The following SORBS2 variants were observed in gnomAD, a reference collection of about 807,000 sequenced individuals.
SORBS2 encodes sorbin and SH3 domain-containing protein 2.
Under a neutral mutation model 97.7 loss-of-function variants are expected in SORBS2, and 46 were observed. The ratio of observed to expected loss-of-function variants is 0.47; its 90% CI spans 0.37 to 0.60. The LOEUF is 0.60. SORBS2 is among the 20% of genes least tolerant of loss of function. The pLI is 0.00. For missense variants in SORBS2, 1,316 were observed against 1,282.3 expected (o/e 1.03, Z -0.40); for synonymous variants, 476 against 473.4 (o/e 1.01, Z -0.07).
chr4:185,889,711 A>G (rs764260949), intron 1 of SORBS2, among the ~76,000 whole-genome samples: 2 of 151,630 alleles, frequency 1.3e-5, no homozygotes, highest in Non-Finnish European at 2.9e-5. Flanking sequence ...CCTCCGCCTG[A>G]CAGTTTTACG....
chr4:185,895,505 C>T (rs1190982681), intron 1 of SORBS2, among the ~76,000 whole-genome samples: 1 of 152,238 alleles, frequency 6.6e-6, no homozygotes, highest in Non-Finnish European at 1.5e-5. Context: ...GCAGCAGATG[C>T]AGCGGTCATG....
At chr4:185,615,852 A>G (rs1007149566) in intron 9 of SORBS2, among the ~76,000 whole-genome samples, 1 of 152,176 alleles carries the variant, frequency 6.6e-6, no homozygotes, top group East Asian at 1.9e-4. Context: ...TTAAGACACT[A>G]TATTTTTCAA....
At position 185,798,819 on chromosome 4, in the gene SORBS2, T is replaced by G. The variant is rs951416847; in HGVS notation, c.-337-23453A>C. Among the ~76,000 whole-genome samples the G allele has an allele frequency of 3.9e-5, 6 of 152,248 alleles. No homozygotes were observed. The East Asian group carries it at 1.2e-3, about 29-fold the overall frequency. ...CAGTGTTTCCAGCAAAGATATAAAG[T>G]TCTACATGTCTAAACGTTTTTGCCC... On this transcript the variant is annotated intron_variant, in intron 1 of 20. Transcript: ENST00000284776.
intron 1 of SORBS2, among the ~76,000 whole-genome samples, chr4:185,841,171 G>A (rs1305667970): frequency 6.6e-6 from 1 of 152,172 alleles, no homozygotes; most frequent in East Asian, 1.9e-4. Flanking sequence ...TCCCCTTGTG[G>A]GTGATGACAA....
At chr4:185,904,213 A>G (rs1444824416) in intron 1 of SORBS2, among the ~76,000 whole-genome samples, 6 of 152,204 alleles carry the variant, frequency 3.9e-5, no homozygotes, top group Admixed American at 1.3e-4. Flanking sequence ...GACCTGCCTA[A>G]TGTCTACCAC....
chr4:185,601,810 G>T (rs989009327), intron 12 of SORBS2, among the ~76,000 whole-genome samples: 3 of 151,972 alleles, frequency 2.0e-5, no homozygotes, highest in Admixed American at 2.0e-4. Context: ...GTGCGCCGGG[G>T]ATCCCCTTCT....
intron 1 of SORBS2, among the ~76,000 whole-genome samples, chr4:185,851,173 A>G (rs373269740): frequency 2.6e-5 from 4 of 152,190 alleles, no homozygotes; most frequent in African/African-American, 9.7e-5. Context: ...TGCACTTGTT[A>G]AAAATCATTT....
intron 2 of SORBS2, among the ~76,000 whole-genome samples, chr4:185,733,400 G>C (rs1220095508): frequency 6.6e-6 from 1 of 152,216 alleles, no homozygotes; most frequent in East Asian, 1.9e-4. Flanking sequence ...GGCCAGCGGG[G>C]GTCCGCCCAC....
chr4:185,652,522 A>C, intron 2 of SORBS2, 140 bp downstream of exon 10: 1 of 702,538 alleles, frequency 1.4e-6, no homozygotes, highest in East Asian at 2.6e-5. Context: ...CAGAAGGAGA[A>C]CAGGAGGCAT....
intron 4 of SORBS2, among the ~76,000 whole-genome samples, chr4:185,645,260 A>G (rs1041238444): frequency 2.6e-5 from 4 of 152,166 alleles, no homozygotes; most frequent in Non-Finnish European, 5.9e-5. Flanking sequence ...ATATTATTTC[A>G]CTGTTTTCAA....
intron 1 of SORBS2, among the ~76,000 whole-genome samples, chr4:185,847,169 C>A (rs1000687322): frequency 6.6e-6 from 1 of 152,154 alleles, no homozygotes; most frequent in Non-Finnish European, 1.5e-5. Flanking sequence ...AGAGTATTCC[C>A]ATCATAATGT....
chr4:185,719,108 T>C (rs191456792), intron 2 of SORBS2, among the ~76,000 whole-genome samples: 154 of 152,338 alleles, frequency 1.0e-3, no homozygotes, highest in East Asian at 2.5e-3. Flanking sequence ...TTCTCTGTTG[T>C]ATAAAGAAAG....
intron 12 of SORBS2, 38 bp from the exon 25 acceptor site, chr4:185,593,973 A>G (rs950258857): frequency 3.7e-6 from 5 of 1,333,714 alleles, no homozygotes; most frequent in Non-Finnish European, 5.4e-6. Context: ...CAATGTTTAA[A>G]CTGGTACTAA....
chr4:185,633,471 G>GTT (rs56864890), intron 4 of SORBS2, among the ~76,000 whole-genome samples: 4 of 137,952 alleles, frequency 2.9e-5, no homozygotes, highest in Admixed American at 7.3e-5. Context: ...TTTATGTGTT[G>GTT]TTTTTTTTTT....
chr4:185,613,121 C>T (rs928836346), intron 11 of SORBS2, among the ~76,000 whole-genome samples: 1 of 152,202 alleles, frequency 6.6e-6, no homozygotes, highest in African/African-American at 2.4e-5. Flanking sequence ...GTTGATGCTA[C>T]CGGGCAAAAA....
intron 2 of SORBS2, among the ~76,000 whole-genome samples, chr4:185,689,119 T>C (rs997349754): frequency 6.6e-6 from 1 of 152,218 alleles, no homozygotes; most frequent in Non-Finnish European, 1.5e-5. Context: ...AGGTTAATTA[T>C]TGAGTGTACT....
At chr4:185,638,971 G>A (rs1438930968) in intron 4 of SORBS2, 2 of 1,523,578 alleles carry the variant, frequency 1.3e-6, no homozygotes, top group South Asian at 2.5e-5. Context: ...TCCGAGTCGG[G>A]AGCTAGAAAG....
intron 1 of SORBS2, among the ~76,000 whole-genome samples, chr4:185,792,395 G>A (rs1054022735): frequency 1.3e-5 from 2 of 152,138 alleles, no homozygotes; most frequent in African/African-American, 4.8e-5. Flanking sequence ...TCAGGAGGTT[G>A]AGGCAGGAGA....
intron 1 of SORBS2, among the ~76,000 whole-genome samples, chr4:185,899,160 G>T (rs111236914): frequency 5.9e-5 from 9 of 152,282 alleles, no homozygotes; most frequent in African/African-American, 2.2e-4. Flanking sequence ...GCCCGGTACA[G>T]CCCCTCCCAG....
Sources: gnomAD v4.1 joint callset for allele counts (sites outside exome capture counted in the v4.1 genomes callset) on GRCh38, gnomAD v4.1.1 for gene constraint, MANE v1.5 for transcripts, NCBI Gene and HGNC (gene_info 2026-07-23, HGNC 2026-07-21) for gene names.